Variants in PSD3 observed in about 807,000 individuals in gnomAD.
PSD3 encodes pleckstrin and Sec7 domain containing 3.
Under a neutral mutation model 105.5 loss-of-function variants are expected in PSD3, and 49 were observed. That is an observed-to-expected ratio of 0.46 (90% CI 0.37 to 0.59). The LOEUF (loss-of-function observed/expected upper bound fraction) is 0.59, where lower values mean the gene tolerates loss of function less well. Among genes scored for constraint, PSD3 ranks in the 20% least tolerant of loss-of-function variants. The pLI is 0.00. For missense variants in PSD3, 1,561 were observed against 1,263.8 expected (o/e 1.24, Z -3.57); for synonymous variants, 557 against 457.8 (o/e 1.22, Z -2.77).
chr8:18,936,081 T>C lies in PSD3; in HGVS notation c.83A>G (p.Lys28Arg). The change falls in exon 2 of 16, where the codon AAA becomes AGA. Residue 28 changes from lysine (K) to arginine (R), a missense_variant. Transcript: ENST00000327040. ...AGATCTGCCAAATAAAAATTCATATTTGGCCTTGGCAACACTCTGGGAATG... is the reference window on the plus strand; with the variant it reads ...AGATCTGCCAAATAAAAATTCATATCTGGCCTTGGCAACACTCTGGGAATG... ...SAHSQSVAKA[K>R]YEFLFGRSEG... 2.5e-6 allele frequency: 4 copies of C among 1,613,536 alleles called. 1 individual carries two copies. The South Asian group carries it at 3.3e-5, about 13-fold the overall frequency.
chr8:18,632,673 C>T lies in PSD3; in HGVS notation c.2350G>A (p.Ala784Thr). Residue 784 changes from alanine to threonine, a missense_variant, in exon 11 of 16, where the codon GCT becomes ACT. By Grantham distance (58) the Ala-to-Thr change is moderately conservative (BLOSUM62 0). Transcript: ENST00000327040. ...GCCAAGAATCCACTTTTGTACACAGCAGCATTTGGATCATGAGGAATGTCC... is the reference window on the plus strand; with the variant it reads ...GCCAAGAATCCACTTTTGTACACAGTAGCATTTGGATCATGAGGAATGTCC... Reference protein sequence around the residue: ...FLDIPHDPNAAVYKSGFLARK... With the variant: ...FLDIPHDPNATVYKSGFLARK... The T allele has an allele frequency of 6.2e-7, 1 of 1,612,786 alleles. No individual in the cohort carries two copies. The highest frequency in any genetic ancestry group is 8.5e-7 in the Non-Finnish European group (1 of 1,179,144).
intron 2 of PSD3, among the ~76,000 whole-genome samples, chr8:18,877,268 C>G (rs572842244): frequency 6.6e-6 from 1 of 152,170 alleles, no homozygotes; most frequent in African/African-American, 2.4e-5. Flanking sequence ...ATTACTTTTA[C>G]GTTGTCTTCT....
intron 2 of PSD3, among the ~76,000 whole-genome samples, chr8:18,878,438 C>G (rs900125846): frequency 6.6e-6 from 1 of 152,162 alleles, no homozygotes; most frequent in Non-Finnish European, 1.5e-5. Context: ...TGTCAACCCC[C>G]TTTCACATGT....
rs536478723 is a variant in PSD3 at position 18,708,642 on chromosome 8, C to G, written c.2173-52957G>C. Among the ~76,000 whole-genome samples the G allele has an allele frequency of 6.7e-4, 102 of 152,214 alleles. 1 individual carries two copies. Among genetic ancestry groups the G allele is most frequent in the Non-Finnish European group, 1.3e-3 (90 of 68,012 alleles). On this transcript the variant is annotated intron_variant, in intron 9 of 15. Coordinates refer to ENST00000327040, the MANE Select transcript of PSD3 (RefSeq NM_015310.4). Reference sequence around the variant, plus strand: ...AAGATGCAAATATGCATAATACCCTCTATTTTCTACTGCATTTTAATAAAA... The same window carrying G: ...AAGATGCAAATATGCATAATACCCTGTATTTTCTACTGCATTTTAATAAAA...
At chr8:18,824,895 G>T (rs1489469184) in intron 4 of PSD3, among the ~76,000 whole-genome samples, 1 of 152,158 alleles carries the variant, frequency 6.6e-6, no homozygotes, top group African/African-American at 2.4e-5. Context: ...GAACAAACAA[G>T]AGGACAAGAA....
chr8:18,586,940 C>T (rs2634449), intron 12 of PSD3, among the ~76,000 whole-genome samples: 128,224 of 151,988 alleles, frequency 0.84, 54,771 homozygotes, highest in South Asian at 0.96. Context: ...GGATAGACGC[C>T]GGATCCTGGG....
chr8:18,934,496 T>C (rs1032488555), intron 2 of PSD3, among the ~76,000 whole-genome samples: 3 of 152,144 alleles, frequency 2.0e-5, no homozygotes, highest in Non-Finnish European at 4.4e-5. Flanking sequence ...CTGCAAGCTC[T>C]GCCTCTCGGG....
intron 11 of PSD3, among the ~76,000 whole-genome samples, chr8:18,612,919 G>GTT (rs977427844): frequency 6.6e-6 from 1 of 152,000 alleles, no homozygotes; most frequent in Non-Finnish European, 1.5e-5. Flanking sequence ...TTAAAAACAA[G>GTT]TATCTTTCCC....
intron 9 of PSD3, among the ~76,000 whole-genome samples, chr8:18,738,665 C>T (rs1298415595): frequency 2.0e-5 from 3 of 152,214 alleles, no homozygotes; most frequent in African/African-American, 7.2e-5. Flanking sequence ...GCATCTTACT[C>T]TCAGCAATAA....
At chr8:18,799,773 A>G (rs1810521460) in intron 7 of PSD3, among the ~76,000 whole-genome samples, 1 of 152,226 alleles carries the variant, frequency 6.6e-6, no homozygotes, top group Admixed American at 6.5e-5. Flanking sequence ...TTAAAGTCAT[A>G]TAAAAATGTT....
At chr8:18,923,234 T>C (rs1231049886) in intron 2 of PSD3, among the ~76,000 whole-genome samples, 2 of 152,144 alleles carry the variant, frequency 1.3e-5, no homozygotes, top group Non-Finnish European at 2.9e-5. Flanking sequence ...GTTTAAAAAT[T>C]TGTGTTGTGC....
At chr8:18,649,039 C>T (rs1309859651) in intron 10 of PSD3, among the ~76,000 whole-genome samples, 2 of 152,240 alleles carry the variant, frequency 1.3e-5, no homozygotes, top group South Asian at 2.1e-4. Flanking sequence ...CTTGGAGAAC[C>T]TTTACTAGGG....
At chr8:18,558,560 C>A (rs1208396176) in intron 14 of PSD3, among the ~76,000 whole-genome samples, 1 of 152,166 alleles carries the variant, frequency 6.6e-6, no homozygotes, top group African/African-American at 2.4e-5. Flanking sequence ...GGGTGCCTCA[C>A]GCCTGTAATC....
At chr8:18,991,995 T>C (rs1825831803) in intron 1 of PSD3, among the ~76,000 whole-genome samples, 1 of 152,204 alleles carries the variant, frequency 6.6e-6, no homozygotes, top group African/African-American at 2.4e-5. Context: ...GAAAAACTAA[T>C]ACGTTTGCCC....
At chr8:18,617,483 A>G (rs978554885) in intron 11 of PSD3, among the ~76,000 whole-genome samples, 8 of 152,224 alleles carry the variant, frequency 5.3e-5, no homozygotes, top group Admixed American at 2.6e-4. Context: ...GTGAGCCGAG[A>G]TTGCACCATT....
At chr8:18,766,499 C>T (rs1433009594) in intron 8 of PSD3, among the ~76,000 whole-genome samples, 3 of 152,170 alleles carry the variant, frequency 2.0e-5, no homozygotes, top group African/African-American at 4.8e-5. Context: ...ACCGACGCTA[C>T]ATTTATACAA....
rs895627571 is a variant in PSD3 at position 18,961,055 on chromosome 8, G to A, written c.22-24913C>T. Among the ~76,000 whole-genome samples, 7 of 152,070 alleles carry A rather than the reference G, an allele frequency of 4.6e-5. No individual in the cohort carries two copies. In the South Asian group the frequency reaches 8.3e-4, roughly 18 times the overall value. ...GTGAGCCGTGAGTAACAGAGTCACTGCCCTCCAGCCTGGGTGACAGAGTGA... is the reference window on the plus strand; with the variant it reads ...GTGAGCCGTGAGTAACAGAGTCACTACCCTCCAGCCTGGGTGACAGAGTGA... On this transcript the variant is annotated intron_variant, in intron 1 of 15. Coordinates refer to ENST00000327040, the MANE Select transcript of PSD3 (RefSeq NM_015310.4).
intron 4 of PSD3, 149 bp downstream of exon 4, chr8:18,867,524 TA>T: frequency 9.7e-7 from 1 of 1,036,206 alleles, no homozygotes; most frequent in Non-Finnish European, 1.4e-6. Context: ...TTTCCTGCCC[TA>T]AAACTCAAAT....
At chr8:18,598,410 TAA>T (rs1211306767) in intron 12 of PSD3, among the ~76,000 whole-genome samples, 27 of 1,400 alleles carry the variant, frequency 0.019, 2 homozygotes, top group Admixed American at 0.077. Flanking sequence ...TAGAGTATAA[TAA>T]AAAAAAAAAA....
Sources: allele counts gnomAD v4.1 joint callset (sites outside exome capture counted in the v4.1 genomes callset), GRCh38; gene constraint gnomAD v4.1.1; transcripts MANE v1.5; gene names NCBI Gene and HGNC (gene_info 2026-07-23, HGNC 2026-07-21).